Variants in RIMS2 observed in about 807,000 individuals in gnomAD.
The protein encoded by RIMS2 is regulating synaptic membrane exocytosis 2, also known as regulating synaptic membrane exocytosis protein 2.
A neutral mutation model predicts 174.4 loss-of-function variants in RIMS2; 59 were observed. The observed-to-expected ratio is 0.34, with a 90% CI of 0.27 to 0.42. RIMS2 has a LOEUF of 0.42. RIMS2 is among the 10% of genes least tolerant of loss of function. The pLI is 1.00. For synonymous variants in RIMS2, 606 were observed against 572.5 expected (o/e 1.06, Z -0.84); for missense variants, 1,620 against 1,666.3 (o/e 0.97, Z 0.48).
intron 1 of RIMS2, among the ~76,000 whole-genome samples, chr8:103,504,846 C>CTTTTTTTTTTTTTTTTTTTTTTTT: frequency 1.1e-5 from 1 of 95,062 alleles, no homozygotes. Flanking sequence ...TTCTTTCTTT[C>CTTTTTTTTTTTTTTTTTTTTTTTT]TTTTTTTTTT....
chr8:103,709,440 T>C (rs185236407), intron 2 of RIMS2, among the ~76,000 whole-genome samples: 31 of 148,072 alleles, frequency 2.1e-4, no homozygotes, highest in Admixed American at 2.0e-3. Context: ...TTTTTGTGTT[T>C]CTGTAACTTC....
At chr8:103,998,039 G>C (rs1437499023) in intron 17 of RIMS2, 12 of 579,484 alleles carry the variant, frequency 2.1e-5, no homozygotes, top group Admixed American at 3.4e-5. Context: ...ATTGGGAGGA[G>C]GGGGCAAGCT....
At chr8:103,883,320 C>T (rs1387312843) in intron 3 of RIMS2, among the ~76,000 whole-genome samples, 1 of 151,612 alleles carries the variant, frequency 6.6e-6, no homozygotes, top group Non-Finnish European at 1.5e-5. Flanking sequence ...ACTGTAGATT[C>T]CTTAAATCTA....
At chr8:103,581,724 A>C (rs2093629104) in intron 1 of RIMS2, among the ~76,000 whole-genome samples, 1 of 152,104 alleles carries the variant, frequency 6.6e-6, no homozygotes, top group Admixed American at 6.5e-5. Flanking sequence ...ACTTAGAAAA[A>C]CGTGAGGTCA....
chr8:104,090,078 T>C (rs1034689332), intron 19 of RIMS2, among the ~76,000 whole-genome samples: 6 of 150,590 alleles, frequency 4.0e-5, no homozygotes, highest in Non-Finnish European at 8.9e-5. Context: ...TATATATATA[T>C]ACACACACAC....
At chr8:104,006,944 A>G (rs2095606466) in intron 17 of RIMS2, among the ~76,000 whole-genome samples, 1 of 152,104 alleles carries the variant, frequency 6.6e-6, no homozygotes, top group Non-Finnish European at 1.5e-5. Context: ...GTCAAACATT[A>G]TTGAGAGAAA....
intron 3 of RIMS2, among the ~76,000 whole-genome samples, chr8:103,782,655 A>T (rs10096287): frequency 6.6e-6 from 1 of 152,000 alleles, no homozygotes; most frequent in Non-Finnish European, 1.5e-5. Flanking sequence ...TTCATTAGCC[A>T]ACACAATATT....
intron 1 of RIMS2, among the ~76,000 whole-genome samples, chr8:103,610,968 TG>T (rs1319215612): frequency 6.6e-6 from 1 of 152,214 alleles, no homozygotes; most frequent in African/African-American, 2.4e-5. Context: ...TTCTTTGAGC[TG>T]GTAGGATTTT....
At chr8:103,684,717 G>T (rs1170388262) in intron 1 of RIMS2, among the ~76,000 whole-genome samples, 3 of 151,988 alleles carry the variant, frequency 2.0e-5, no homozygotes, top group African/African-American at 7.2e-5. Context: ...CTCTTGAGTA[G>T]CTGGGATTAC....
chr8:104,145,516 CA>C (rs58527698), intron 19 of RIMS2, among the ~76,000 whole-genome samples: 41,705 of 151,100 alleles, frequency 0.28, 5,899 homozygotes, highest in Non-Finnish European at 0.3. Context: ...TCAAGAGTCC[CA>C]AAACTTTAAA....
intron 19 of RIMS2, among the ~76,000 whole-genome samples, chr8:104,145,948 C>A (rs576052680): frequency 4.0e-5 from 6 of 151,688 alleles, no homozygotes; most frequent in Non-Finnish European, 7.4e-5. Context: ...AGAAAAGGAA[C>A]CCTCGCTGCA....
At chr8:104,225,192 C>T (rs563463486) in intron 19 of RIMS2, among the ~76,000 whole-genome samples, 2 of 152,260 alleles carry the variant, frequency 1.3e-5, no homozygotes, top group South Asian at 2.1e-4. Flanking sequence ...CCTTATGAAG[C>T]AGTACTTTTG....
chr8:104,249,891 T>G, intron 22 of RIMS2, among the ~76,000 whole-genome samples: 1 of 152,220 alleles, frequency 6.6e-6, no homozygotes, highest in African/African-American at 2.4e-5. Context: ...GGAGTTCTTT[T>G]TTCTTATTAG....
chr8:103,865,225 AT>A (rs1440934458), intron 3 of RIMS2, among the ~76,000 whole-genome samples: 2 of 150,790 alleles, frequency 1.3e-5, no homozygotes, highest in Non-Finnish European at 3.0e-5. Flanking sequence ...TACCTTTAAA[AT>A]TTTTAATGAG....
chr8:103,850,601 C>A (rs1042149625), intron 3 of RIMS2, among the ~76,000 whole-genome samples: 1 of 151,994 alleles, frequency 6.6e-6, no homozygotes, highest in Non-Finnish European at 1.5e-5. Context: ...GAGACTGGAG[C>A]CATCCTAATT....
In RIMS2 at chr8:103,897,228, A is replaced by G. The variant is rs967099585; in HGVS notation, c.1624+11005A>G. Among the ~76,000 whole-genome samples the G allele has an allele frequency of 7.9e-5, 12 of 151,528 alleles. 1 individual carries two copies. The highest frequency in any genetic ancestry group is 2.9e-4 in the African/African-American group (12 of 40,972). Reference sequence around the variant, plus strand: ...TTACTTCATGGCACCTTCTTTTTCTACACAAAGTGGATGGCCATCTGAAGC... The same window carrying G: ...TTACTTCATGGCACCTTCTTTTTCTGCACAAAGTGGATGGCCATCTGAAGC... On this transcript the variant is annotated intron_variant, in intron 4 of 23. Transcript: ENST00000504942.
intron 3 of RIMS2, among the ~76,000 whole-genome samples, chr8:103,778,292 T>C (rs549762334): frequency 1.3e-5 from 2 of 152,120 alleles, no homozygotes; most frequent in African/African-American, 2.4e-5. Flanking sequence ...TCTGGCTATT[T>C]TGAAATGTAC....
intron 2 of RIMS2, among the ~76,000 whole-genome samples, chr8:103,765,588 G>A (rs1244780255): frequency 6.6e-6 from 1 of 151,850 alleles, no homozygotes; most frequent in East Asian, 1.9e-4. Context: ...GTTTTTTATA[G>A]AGGATCAACA....
intron 3 of RIMS2, among the ~76,000 whole-genome samples, chr8:103,823,777 A>G (rs929321201): frequency 7.2e-5 from 11 of 151,856 alleles, no homozygotes; most frequent in Non-Finnish European, 1.6e-4. Flanking sequence ...TACTTTTCAT[A>G]GTTCTCAGGG....
Sources: allele counts gnomAD v4.1 joint callset (sites outside exome capture counted in the v4.1 genomes callset), GRCh38; gene constraint gnomAD v4.1.1; transcripts MANE v1.5; gene names NCBI Gene and HGNC (gene_info 2026-07-23, HGNC 2026-07-21).